ABTB1: variants seen among roughly 807,000 people sequenced by gnomAD.
ABTB1 encodes ankyrin repeat and BTB/POZ domain-containing protein 1.
A neutral mutation model predicts 57.1 loss-of-function variants in ABTB1; 45 were observed. That is an observed-to-expected ratio of 0.79 (90% confidence interval 0.62 to 1.01). The LOEUF (loss-of-function observed/expected upper bound fraction) is 1.01. ABTB1 is among the 50% of genes least tolerant of loss of function. ABTB1 has a pLI of 0.00. For synonymous variants in ABTB1, 302 were observed against 275.4 expected (o/e 1.10, Z -0.95); for missense variants, 630 against 666.3 (o/e 0.95, Z 0.60).
intron 10 of ABTB1, chr3:127,679,646 C>T (rs1316743166): frequency 2.0e-6 from 1 of 508,298 alleles, no homozygotes; most frequent in Non-Finnish European, 3.8e-6. Context: ...CAGTGACTTG[C>T]CCAGGGCCCC....
At position 127,677,218 on chromosome 3, in the gene ABTB1, C is replaced by A. The variant is rs760317362; in HGVS notation, c.694C>A (p.Pro232Thr). Residue 232 changes from proline to threonine, a missense_variant, in exon 8 of 12, where the codon CCT becomes ACT. Physicochemically the swap from Pro to Thr is conservative, Grantham distance 38. This residue lies in a region of ABTB1 where 579 missense variants were observed against 585.9 expected (regional missense o/e 0.99). Coordinates refer to ENST00000232744, the MANE Select transcript of ABTB1 (RefSeq NM_172027.3). ...GAAGGTGCTGACCATCGAGCCCCCA[C>A]CTGCAGACCCCCGCCTCCGGGAGGA... ...CVKVLTIEPPPADPRLREDMA... is the reference protein window; with the variant it reads ...CVKVLTIEPPTADPRLREDMA... The A allele has an allele frequency of 3.7e-6, 6 of 1,608,912 alleles. No individual in the cohort carries two copies. In the African/African-American group the frequency reaches 8.0e-5, roughly 21 times the overall value.
intron 10 of ABTB1, 50 bp from the exon 11 acceptor site, chr3:127,679,935 G>A (rs1455709045): frequency 6.3e-7 from 1 of 1,590,956 alleles, no homozygotes; most frequent in South Asian, 1.1e-5. Context: ...TTGTGCCCTG[G>A]GAGCCCTTGG....
intron 10 of ABTB1, 42 bp downstream of exon 10, chr3:127,677,885 C>T (rs755215336): frequency 6.3e-7 from 1 of 1,591,864 alleles, no homozygotes; most frequent in African/African-American, 1.3e-5. Context: ...ACAACCTGTG[C>T]TGCCGTGGGC....
At chr3:127,679,417 A>T (rs1463117622) in intron 10 of ABTB1, 1 of 404,030 alleles carries the variant, frequency 2.5e-6, no homozygotes, top group African/African-American at 2.1e-5. Context: ...CCTGAATCTG[A>T]GGGCTTCAGT....
Position 127,680,009 on chromosome 3 carries a change from G to A in ABTB1, c.1054G>A (p.Val352Met). 1 of 1,613,656 alleles carries A rather than the reference G, an allele frequency of 6.2e-7. No individual in the cohort carries two copies. The highest frequency in any genetic ancestry group is 8.5e-7 in the Non-Finnish European group (1 of 1,180,030). ...TELSPEAAYD[V>M]LSVADMYLLP... is the part of the protein sequence containing the mutation. Reference sequence around the variant, plus strand: ...GCTGTCCCCCGAGGCAGCCTATGATGTGCTGAGCGTCGCCGACATGTACCT... The same window carrying A: ...GCTGTCCCCCGAGGCAGCCTATGATATGCTGAGCGTCGCCGACATGTACCT... The change falls in exon 11 of 12, where the codon GTG becomes ATG. Residue 352 changes from valine to methionine, a missense_variant. Physicochemically the swap from Val to Met is conservative, Grantham distance 21 (BLOSUM62 1). Transcript: ENST00000232744.
rs377621037 is a variant in ABTB1, at chr3:127,677,093, G to A, written c.643+10G>A. On this transcript the variant is annotated intron_variant, in intron 7 of 11. Transcript: ENST00000232744. ...AAGGTGTCTGAGTTTGGTGCGAGCA[G>A]GGTTTGGGGCCCGGGGCCATGGGTG... 6.2e-5 allele frequency: 100 copies of A among 1,613,892 alleles called. No individual in the cohort carries two copies. The highest frequency in any genetic ancestry group is 8.0e-5 in the Non-Finnish European group (94 of 1,179,962).
intron 10 of ABTB1, chr3:127,678,430 C>CT (rs1295104345): frequency 1.3e-5 from 2 of 152,954 alleles, no homozygotes; most frequent in African/African-American, 4.8e-5. Context: ...GGGCAAGTGG[C>CT]TTGCGGAAGA....
In ABTB1 at chr3:127,679,850, C is replaced by T. The variant is rs939089545; in HGVS notation, c.1030-135C>T. 5.4e-5 allele frequency: 43 copies of T among 797,406 alleles called. 1 individual carries two copies. In the South Asian group the frequency reaches 5.6e-4, roughly 10 times the overall value. 49.4% of individuals were successfully genotyped at this position (797,406 alleles called of 1,614,324 possible). ...CCCCCGACCCCCAACCCCATACATGCGCAGGGAGCTCCTACTCCCACTGGA... is the reference window on the plus strand; with the variant it reads ...CCCCCGACCCCCAACCCCATACATGTGCAGGGAGCTCCTACTCCCACTGGA... On this transcript the variant is annotated intron_variant, in intron 10 of 11. Coordinates refer to ENST00000232744, the MANE Select transcript of ABTB1 (RefSeq NM_172027.3).
At chr3:127,678,571 G>A (rs1474336168) in intron 10 of ABTB1, 3 of 152,338 alleles carry the variant, frequency 2.0e-5, no homozygotes, top group Admixed American at 6.5e-5. Flanking sequence ...GTAGCGCAAA[G>A]GTAGCCAGAG....
chr3:127,679,579 C>G (rs1311396869), intron 10 of ABTB1: 5 of 464,266 alleles, frequency 1.1e-5, no homozygotes, highest in Non-Finnish European at 2.2e-5. Flanking sequence ...ACAGCCCCCG[C>G]AGGTAGGCAT....
chr3:127,680,618 C>T lies in ABTB1; in HGVS notation c.*143C>T, dbSNP rs1202679224. 2 of 1,043,108 alleles carry T rather than the reference C, an allele frequency of 1.9e-6. No homozygotes were observed. The highest frequency in any genetic ancestry group is 1.8e-5 in the Admixed American group (1 of 54,624). The allele number at this position is 1,043,108 out of a possible 1,614,324, so 64.6% of individuals were successfully genotyped here. A position where few individuals can be genotyped will look rare whatever the true frequency, so the allele number is the denominator to read the frequency against. On this transcript the variant is annotated 3_prime_UTR_variant, in exon 12 of 12. Transcript: ENST00000232744. ...AGGGGCTCAGTGGGGCTTCTCTTCC[C>T]TCCATGAGCCTGGAGACCCCAGGGG...
chr3:127,675,263 T>C (rs1022896569), intron 3 of ABTB1, among the ~76,000 whole-genome samples: 1 of 149,376 alleles, frequency 6.7e-6, no homozygotes, highest in East Asian at 1.9e-4. Flanking sequence ...TTTGGTTTTT[T>C]CTTTTTTTTT....
intron 1 of ABTB1, 118 bp downstream of exon 1, chr3:127,673,199 C>A: frequency 2.6e-6 from 3 of 1,138,534 alleles, no homozygotes; most frequent in Non-Finnish European, 3.4e-6. Context: ...CGGGTCACAG[C>A]CCTCGGAGCG....
At chr3:127,679,947 G>T in intron 10 of ABTB1, 38 bp from the exon 11 acceptor site, 1 of 1,605,084 alleles carries the variant, frequency 6.2e-7, no homozygotes, top group South Asian at 1.1e-5. Flanking sequence ...AGCCCTTGGT[G>T]ACCTCGGGGG....
intron 7 of ABTB1, 23 bp downstream of exon 7, chr3:127,677,106 G>C: frequency 1.2e-6 from 2 of 1,613,608 alleles, no homozygotes; most frequent in East Asian, 2.2e-5. Flanking sequence ...TTTGGGGCCC[G>C]GGGCCATGGG....
chr3:127,676,749 C>A lies in ABTB1; in HGVS notation c.526+168C>A. ...GGTTGCAAGAGAGAGGACTAGTGTG[C>A]CTGCTCAGGAAGAGCTTGTCCCACC... On this transcript the variant is annotated intron_variant, in intron 6 of 11. Coordinates refer to ENST00000232744, the MANE Select transcript of ABTB1 (RefSeq NM_172027.3). This position sits in a 1 kb window ranked among gnomAD's most constrained non-coding sequence, Gnocchi z 5.4. 1.1e-6 allele frequency: 1 copy of A among 924,316 alleles called. No homozygotes were observed. The highest frequency in any genetic ancestry group is 1.6e-6 in the Non-Finnish European group (1 of 613,414). The allele number at this position is 924,316 out of a possible 1,614,324, so 57.3% of individuals were successfully genotyped here.
chr3:127,673,380 C>G (rs1046754272), intron 1 of ABTB1: 1 of 244,426 alleles, frequency 4.1e-6, no homozygotes, highest in Non-Finnish European at 7.7e-6. Context: ...CACTGTTCGC[C>G]CTGGTAGGGC....
At position 127,675,974 on chromosome 3, in the gene ABTB1, C is replaced by G; in HGVS notation, c.180C>G (p.Ala60=). The stretch of plus-strand genomic sequence containing the variant: ...GGTGAGCCCTGCCTCCCCCAGGAGC[C>G]CGCTGCGAGGCCAACACCTTCGATG... ...ELVLYLLANG[A]RCEANTFDGE... The change falls in exon 4 of 12, where the codon GCC becomes GCG. Residue 60 remains alanine, a synonymous_variant. Coordinates refer to ENST00000232744, the MANE Select transcript of ABTB1 (RefSeq NM_172027.3). The G allele has an allele frequency of 6.2e-7, 1 of 1,606,074 alleles. No homozygotes were observed. The highest frequency in any genetic ancestry group is 8.5e-7 in the Non-Finnish European group (1 of 1,174,778).
At position 127,677,249 on chromosome 3, in the gene ABTB1, C is replaced by T. The variant is rs370328576; in HGVS notation, c.725C>T (p.Ala242Val). The change falls in exon 8 of 12, where the codon GCG becomes GTG. Residue 242 changes from alanine (A) to valine (V), a missense_variant. Around this residue, in one of 3 missense-constraint regions of ABTB1, gnomAD observed 579 missense variants for 585.9 expected, o/e 0.99. Coordinates refer to ENST00000232744, the MANE Select transcript of ABTB1 (RefSeq NM_172027.3). ...GACCCCCGCCTCCGGGAGGACATGG[C>T]GCTGCTGGCCGATTGTGCCCTGCCC... ...PADPRLREDM[A>V]LLADCALPPE... The T allele has an allele frequency of 4.4e-6, 7 of 1,595,436 alleles. No individual in the cohort carries two copies. Among genetic ancestry groups the T allele is most frequent in the African/African-American group, 1.3e-5 (1 of 74,640 alleles).
Sources: allele counts gnomAD v4.1 joint callset (sites outside exome capture counted in the v4.1 genomes callset), GRCh38; gene constraint gnomAD v4.1.1; regional missense constraint gnomAD v4.1.1; non-coding constraint Gnocchi (gnomAD v3.1); transcripts MANE v1.5; gene names NCBI Gene and HGNC (gene_info 2026-07-23, HGNC 2026-07-21).